The following ERI3 variants were observed in gnomAD, a reference collection of about 807,000 sequenced individuals.
ERI3 encodes ERI1 exoribonuclease family member 3, also known as ERI1 exoribonuclease 3.
A neutral mutation model predicts 44.4 loss-of-function variants in ERI3; 18 were observed. The observed-to-expected ratio is 0.41, with a 90% CI of 0.28 to 0.60. The LOEUF (loss-of-function observed/expected upper bound fraction) is 0.60. ERI3 is among the 20% of genes least tolerant of loss of function. The probability of loss-of-function intolerance (pLI) is 0.36; values close to 1 mark genes in which losing one functional copy is unlikely to be tolerated. For missense variants in ERI3, 294 were observed against 435.5 expected, an observed-to-expected ratio of 0.68 and a Z score of 2.89; for synonymous variants, 183 against 164.8, an observed-to-expected ratio of 1.11 and a Z score of -0.84.
intron 7 of ERI3, among the ~76,000 whole-genome samples, chr1:44,254,514 T>C (rs929531064): frequency 4.6e-5 from 7 of 152,180 alleles, no homozygotes; most frequent in East Asian, 1.9e-4. Flanking sequence ...CCCTGCCTAC[T>C]TGTCCTAGAG....
At chr1:44,292,110 C>T (rs1478709325) in intron 6 of ERI3, among the ~76,000 whole-genome samples, 2 of 152,190 alleles carry the variant, frequency 1.3e-5, no homozygotes, top group Non-Finnish European at 2.9e-5. Flanking sequence ...GAGACCAAAC[C>T]TGTAATGGCC....
chr1:44,250,243 C>T lies in ERI3; in HGVS notation c.832-2205G>A, dbSNP rs533666244. On this transcript the variant is annotated intron_variant, in intron 7 of 8. Coordinates refer to ENST00000372257, the MANE Select transcript of ERI3 (RefSeq NM_024066.3). ...CCGCTTCCCAGCTTAAAGCGACGGGCGGGCGGCAGGGCTGCCGAGGCCCCT... is the reference window on the plus strand; with the variant it reads ...CCGCTTCCCAGCTTAAAGCGACGGGTGGGCGGCAGGGCTGCCGAGGCCCCT... Among the ~76,000 whole-genome samples the T allele has an allele frequency of 7.9e-5, 12 of 152,344 alleles. No homozygotes were observed. In the East Asian group the frequency reaches 9.6e-4, roughly 12 times the overall value.
intron 2 of ERI3, among the ~76,000 whole-genome samples, chr1:44,350,727 T>A (rs1170398372): frequency 1.3e-5 from 2 of 152,242 alleles, no homozygotes; most frequent in Admixed American, 6.5e-5. Context: ...CTCTTTTTTT[T>A]ATTTATAAGA....
chr1:44,307,702 G>A (rs915297337), intron 6 of ERI3, among the ~76,000 whole-genome samples: 3 of 152,202 alleles, frequency 2.0e-5, no homozygotes, highest in Admixed American at 2.0e-4. Context: ...AGAGGAGGCT[G>A]GTGACGTGGG....
At chr1:44,288,219 C>T (rs181094610) in intron 6 of ERI3, among the ~76,000 whole-genome samples, 1 of 152,214 alleles carries the variant, frequency 6.6e-6, no homozygotes, top group East Asian at 1.9e-4. Flanking sequence ...ATTCTGAATC[C>T]CATGTCTGAC....
intron 5 of ERI3, among the ~76,000 whole-genome samples, chr1:44,308,631 GC>G (rs1342026781): frequency 6.6e-6 from 1 of 152,046 alleles, no homozygotes; most frequent in Admixed American, 6.5e-5. Context: ...GCCGGAGGGA[GC>G]CCCTACACTC....
chr1:44,341,931 G>A (rs138959759), intron 2 of ERI3, among the ~76,000 whole-genome samples: 26 of 152,120 alleles, frequency 1.7e-4, no homozygotes, highest in African/African-American at 5.8e-4. Flanking sequence ...AACTTCTCTC[G>A]TAGGAAGTCT....
At chr1:44,245,442 T>C (rs553183222) in intron 8 of ERI3, among the ~76,000 whole-genome samples, 2 of 152,256 alleles carry the variant, frequency 1.3e-5, no homozygotes, top group East Asian at 1.9e-4. Context: ...TTCAGCCCCA[T>C]GGTGTGCTCA....
intron 7 of ERI3, among the ~76,000 whole-genome samples, chr1:44,279,228 C>T (rs890255560): frequency 2.3e-4 from 31 of 133,544 alleles, no homozygotes; most frequent in Non-Finnish European, 5.0e-4. Context: ...ATAACACTGC[C>T]AATTTTTTTT....
intron 2 of ERI3, among the ~76,000 whole-genome samples, chr1:44,345,384 T>C (rs943025504): frequency 1.3e-5 from 2 of 152,200 alleles, no homozygotes; most frequent in Non-Finnish European, 2.9e-5. Context: ...ATACCACCCC[T>C]GGATTCAATT....
chr1:44,351,686 T>G (rs1471426944), intron 2 of ERI3, among the ~76,000 whole-genome samples: 1 of 152,212 alleles, frequency 6.6e-6, no homozygotes. Context: ...TTTATAAGGC[T>G]AAGGCTCTGG....
chr1:44,318,459 A>T (rs1646134936), intron 4 of ERI3, among the ~76,000 whole-genome samples: 1 of 152,240 alleles, frequency 6.6e-6, no homozygotes, highest in Admixed American at 6.5e-5. Context: ...CCCAGGGGAA[A>T]GGGGAAACCC....
At chr1:44,263,263 AAGG>A (rs1258607258) in intron 7 of ERI3, among the ~76,000 whole-genome samples, 2 of 152,222 alleles carry the variant, frequency 1.3e-5, no homozygotes, top group African/African-American at 4.8e-5. Context: ...CAAGCGACCC[AAGG>A]AGGTCAGGGG....
intron 7 of ERI3, among the ~76,000 whole-genome samples, chr1:44,279,772 T>C (rs1358728042): frequency 6.6e-6 from 1 of 152,192 alleles, no homozygotes; most frequent in Non-Finnish European, 1.5e-5. Context: ...TCACAACCAA[T>C]CACCATTTGC....
intron 3 of ERI3, among the ~76,000 whole-genome samples, chr1:44,329,446 A>G (rs192674837): frequency 9.4e-4 from 143 of 152,288 alleles, no homozygotes; most frequent in African/African-American, 3.2e-3. Flanking sequence ...GCCATGTTTC[A>G]TCTCACTCAT....
chr1:44,313,300 T>G, intron 4 of ERI3, 72 bp from the exon 5 acceptor site: 1 of 1,428,902 alleles, frequency 7.0e-7, no homozygotes, highest in East Asian at 2.3e-5. Flanking sequence ...CAGGACCCCT[T>G]CCTTTCTGTT....
intron 7 of ERI3, among the ~76,000 whole-genome samples, chr1:44,279,277 T>G (rs1271216676): frequency 3.9e-5 from 6 of 152,074 alleles, no homozygotes; most frequent in Non-Finnish European, 8.8e-5. Flanking sequence ...CAGGCTAGAG[T>G]GCAGTGGTAC....
intron 4 of ERI3, among the ~76,000 whole-genome samples, chr1:44,317,271 G>T (rs1312417434): frequency 6.6e-6 from 1 of 152,170 alleles, no homozygotes; most frequent in African/African-American, 2.4e-5. Flanking sequence ...ACTAATGAGA[G>T]ATTTTCTCTG....
At chr1:44,299,535 T>A (rs562569020) in intron 6 of ERI3, among the ~76,000 whole-genome samples, 5 of 152,024 alleles carry the variant, frequency 3.3e-5, no homozygotes, top group East Asian at 1.9e-4. Context: ...AAAAGGGTTT[T>A]AAAAAAACAC....
Sources: gnomAD v4.1 joint callset for allele counts (sites outside exome capture counted in the v4.1 genomes callset) on GRCh38, gnomAD v4.1.1 for gene constraint, MANE v1.5 for transcripts, NCBI Gene and HGNC (gene_info 2026-07-23, HGNC 2026-07-21) for gene names.